The following SAMD12 variants were observed in gnomAD, a reference collection of about 807,000 sequenced individuals.
The protein encoded by SAMD12 is sterile alpha motif domain-containing protein 12.
A neutral mutation model predicts 15.0 loss-of-function variants in SAMD12; 9 were observed. The ratio of observed to expected loss-of-function variants is 0.60; its 90% CI spans 0.36 to 1.05. The LOEUF (loss-of-function observed/expected upper bound fraction) is 1.05, where lower values mean the gene tolerates loss of function less well. Ranked by LOEUF, SAMD12 falls within the 50% of genes least tolerant of loss-of-function variation. The pLI is 0.01. For synonymous variants in SAMD12, 86 were observed against 90.1 expected, an observed-to-expected ratio of 0.96 and a Z score of 0.25; for missense variants, 230 against 234.2, an observed-to-expected ratio of 0.98 and a Z score of 0.12.
At chr8:118,239,880 A>G (rs1812527023) in intron 4 of SAMD12, 1 of 152,096 alleles carries the variant, frequency 6.6e-6, no homozygotes, top group South Asian at 2.1e-4. Context: ...TGCCATCTCC[A>G]TTACAGCGGG....
intron 2 of SAMD12, among the ~76,000 whole-genome samples, chr8:118,554,069 T>C (rs1398927686): frequency 1.3e-5 from 2 of 151,804 alleles, no homozygotes; most frequent in Non-Finnish European, 2.9e-5. Context: ...ATAGGAACAC[T>C]TTTACACTGT....
intron 2 of SAMD12, among the ~76,000 whole-genome samples, chr8:118,540,008 C>T (rs937424094): frequency 2.6e-5 from 4 of 152,236 alleles, no homozygotes; most frequent in South Asian, 2.1e-4. Flanking sequence ...AGGATACCAC[C>T]CCATCCTTAA....
At chr8:118,258,147 G>A (rs1261269254) in intron 4 of SAMD12, among the ~76,000 whole-genome samples, 1 of 152,128 alleles carries the variant, frequency 6.6e-6, no homozygotes, top group Admixed American at 6.6e-5. Context: ...AAGGAGGTGA[G>A]TATGTGCTAA....
intron 2 of SAMD12, among the ~76,000 whole-genome samples, chr8:118,574,474 CAGTCTCATCTG>C (rs1229005694): frequency 5.3e-5 from 8 of 152,214 alleles, no homozygotes; most frequent in African/African-American, 1.9e-4. Flanking sequence ...TGAAGTCATT[CAGTCTCATCTG>C]AGTCTCATCT....
chr8:118,273,947 A>G (rs1813421016), intron 4 of SAMD12, among the ~76,000 whole-genome samples: 1 of 152,220 alleles, frequency 6.6e-6, no homozygotes, highest in Admixed American at 6.5e-5. Context: ...TCCAGTGTCT[A>G]CTTTGTGCCC....
chr8:118,549,363 C>A (rs564798337), intron 2 of SAMD12, among the ~76,000 whole-genome samples: 1 of 152,216 alleles, frequency 6.6e-6, no homozygotes, highest in Admixed American at 6.5e-5. Flanking sequence ...CAGCAGCATT[C>A]GTGGTTCACG....
chr8:118,573,185 A>C (rs1291256146), intron 2 of SAMD12, among the ~76,000 whole-genome samples: 2 of 152,058 alleles, frequency 1.3e-5, no homozygotes, highest in African/African-American at 4.8e-5. Flanking sequence ...CCTGGGTTCA[A>C]GCGATTCTCC....
intron 4 of SAMD12, among the ~76,000 whole-genome samples, chr8:118,340,313 C>T (rs762731252): frequency 2.0e-5 from 3 of 149,818 alleles, no homozygotes; most frequent in Non-Finnish European, 4.4e-5. Flanking sequence ...GTGACAAATT[C>T]TTGACCTTAT....
exon 5 of SAMD12, chr8:118,197,668 C>T (rs780290102): frequency 3.2e-6 from 5 of 1,557,104 alleles, no homozygotes; most frequent in East Asian, 4.5e-5. Flanking sequence ...AGGCCATGTT[C>T]ATATCAACTG....
intron 4 of SAMD12, among the ~76,000 whole-genome samples, chr8:118,272,849 G>A (rs1191376578): frequency 1.3e-5 from 2 of 152,148 alleles, no homozygotes; most frequent in Non-Finnish European, 2.9e-5. Flanking sequence ...CATTCATCAA[G>A]TCTCTAGGAA....
intron 4 of SAMD12, among the ~76,000 whole-genome samples, chr8:118,357,440 T>A (rs1203037011): frequency 6.6e-6 from 1 of 152,080 alleles, no homozygotes; most frequent in Non-Finnish European, 1.5e-5. Context: ...GTTTACCATA[T>A]TACTTTAGGT....
At chr8:118,263,351 G>C (rs1188127811) in intron 4 of SAMD12, among the ~76,000 whole-genome samples, 1 of 152,044 alleles carries the variant, frequency 6.6e-6, no homozygotes, top group Non-Finnish European at 1.5e-5. Flanking sequence ...GTCAAATGTA[G>C]TAGAACAAAA....
rs1251452358 is a variant in SAMD12 at position 118,190,731 on chromosome 8, GCTCATTTTAGC to G, written c.*6968_*6978del. The G allele has an allele frequency of 2.0e-5, 3 of 152,094 alleles. No homozygotes were observed. The East Asian group carries it at 5.8e-4, about 29-fold the overall frequency. 9.4% of individuals were successfully genotyped at this position (152,094 alleles called of 1,614,324 possible). ...AGGCACAGTATAGCTTCTTCCCTTA[GCTCATTTTAGC>G]CTCCAAACAACCCCATCTGCTAAGG... is the stretch of plus-strand genomic sequence containing the variant. On this transcript the variant is annotated 3_prime_UTR_variant, in exon 5 of 5. Transcript: ENST00000409003.
intron 4 of SAMD12, among the ~76,000 whole-genome samples, chr8:118,366,881 T>TAAAATAAAATAAAATAAAATAATAA: frequency 1.9e-5 from 1 of 52,362 alleles, no homozygotes; most frequent in Admixed American, 2.0e-4. Context: ...TAAAATAAAA[T>TAAAATAAAATAAAATAAAATAATAA]AATAAAATAA....
At chr8:118,394,183 T>G (rs771556600) in intron 3 of SAMD12, among the ~76,000 whole-genome samples, 6 of 152,194 alleles carry the variant, frequency 3.9e-5, no homozygotes, top group Non-Finnish European at 7.3e-5. Flanking sequence ...CAAAATTTGA[T>G]GTCAGCAGGT....
At position 118,379,519 on chromosome 8, in the gene SAMD12, A is replaced by C; in HGVS notation, c.504T>G (p.Ile168Met). The C allele has an allele frequency of 6.2e-7, 1 of 1,613,788 alleles. No homozygotes were observed. Among genetic ancestry groups the C allele is most frequent in the Non-Finnish European group, 8.5e-7 (1 of 1,179,796 alleles). Residue 168 changes from isoleucine to methionine, a missense_variant, in exon 4 of 4, where the codon ATT becomes ATG. Ile to Met is a conservative substitution (Grantham distance 10). Coordinates refer to ENST00000314727, the MANE Select transcript of SAMD12 (RefSeq NM_207506.3). The stretch of plus-strand genomic sequence containing the variant: ...CTAATAGTAAGGTGGTCTTTCTTCT[A>C]ATCTCCCCATCCATCCACCCATCAG... The part of the protein sequence containing the change: ...LLPDGWMDGE[I>M]RRKTTLLLGQ...
At chr8:118,166,820 C>T in the SAMD12 span, among the ~76,000 whole-genome samples, 2 of 152,184 alleles carry the variant, frequency 1.3e-5, no homozygotes, top group Admixed American at 6.5e-5. Flanking sequence ...TCTCCTTGTG[C>T]ATGACTTAAG....
At chr8:118,196,823 A>T (rs1377269722) in exon 5 of SAMD12, 1 of 152,138 alleles carries the variant, frequency 6.6e-6, no homozygotes. Context: ...CCTCCCTTGG[A>T]GGAGCCAAAT....
intron 2 of SAMD12, among the ~76,000 whole-genome samples, chr8:118,484,618 T>C (rs925208217): frequency 1.3e-5 from 2 of 152,104 alleles, no homozygotes; most frequent in Non-Finnish European, 2.9e-5. Context: ...AAAAAAGTGA[T>C]TAAAAAATAC....
Sources: allele counts gnomAD v4.1 joint callset (sites outside exome capture counted in the v4.1 genomes callset), GRCh38; gene constraint gnomAD v4.1.1; transcripts MANE v1.5; gene names NCBI Gene and HGNC (gene_info 2026-07-23, HGNC 2026-07-21).